The following PPP2R2A variants were observed in gnomAD, a reference collection of about 807,000 sequenced individuals.
The protein encoded by PPP2R2A is protein phosphatase 2 regulatory subunit Balpha.
PPP2R2A carries 9 observed loss-of-function variants against 53.2 expected under a neutral mutation model. The ratio of observed to expected loss-of-function variants is 0.17; its 90% CI spans 0.10 to 0.30. The LOEUF is 0.30. Ranked by LOEUF, PPP2R2A falls within the 10% of genes least tolerant of loss-of-function variation. The probability of loss-of-function intolerance (pLI) is 1.00; values close to 1 mark genes in which losing one functional copy is unlikely to be tolerated. For missense variants in PPP2R2A, 235 were observed against 534.6 expected, an observed-to-expected ratio of 0.44 and a Z score of 5.53; for synonymous variants, 169 against 174.2, an observed-to-expected ratio of 0.97 and a Z score of 0.23.
At chr8:26,302,953 C>T (rs1228925124) in intron 2 of PPP2R2A, among the ~76,000 whole-genome samples, 2 of 152,104 alleles carry the variant, frequency 1.3e-5, no homozygotes, top group Admixed American at 6.6e-5. Context: ...TTAAGGGGAT[C>T]CTGTCATTCA....
chr8:26,333,628 T>A (rs1001841258), intron 2 of PPP2R2A: 1 of 799,976 alleles, frequency 1.3e-6, no homozygotes, highest in Non-Finnish European at 1.6e-6. Flanking sequence ...TAGTAATTAT[T>A]TGTTACACCC....
intron 2 of PPP2R2A, among the ~76,000 whole-genome samples, chr8:26,315,442 A>G (rs1049828363): frequency 1.3e-5 from 2 of 152,198 alleles, no homozygotes; most frequent in African/African-American, 4.8e-5. Context: ...CTCATGGATT[A>G]CTATGCAGCC....
chr8:26,335,541 TTACTC>T (rs1331208534), intron 2 of PPP2R2A, among the ~76,000 whole-genome samples: 3 of 152,134 alleles, frequency 2.0e-5, no homozygotes, highest in Admixed American at 6.5e-5. Flanking sequence ...CGAAATAAAA[TTACTC>T]TACACTATTC....
At chr8:26,344,152 C>T (rs986667201) in intron 3 of PPP2R2A, among the ~76,000 whole-genome samples, 2 of 152,226 alleles carry the variant, frequency 1.3e-5, no homozygotes, top group Non-Finnish European at 2.9e-5. Flanking sequence ...GATGTAGTAG[C>T]AGCAGTTTAT....
intron 4 of PPP2R2A, among the ~76,000 whole-genome samples, chr8:26,356,056 A>G (rs776413445): frequency 1.3e-5 from 2 of 152,186 alleles, no homozygotes; most frequent in Admixed American, 6.5e-5. Flanking sequence ...GGGTAGCCGT[A>G]GTCTATAAAA....
In PPP2R2A at chr8:26,360,028, A is replaced by G. The variant is rs530306912; in HGVS notation, c.347-141A>G. 2.2e-4 allele frequency: 110 copies of G among 510,388 alleles called. 1 individual carries two copies. The highest frequency in any genetic ancestry group is 1.1e-3 in the South Asian group (42 of 38,500). 31.6% of individuals were successfully genotyped at this position (510,388 alleles called of 1,614,324 possible). ...GTATGTTATTCAGCTGATAATAGGAAATTTTTTAGTAAGTTCAGATTAGGG... is the reference window on the plus strand; with the variant it reads ...GTATGTTATTCAGCTGATAATAGGAGATTTTTTAGTAAGTTCAGATTAGGG... On this transcript the variant is annotated intron_variant, in intron 4 of 9. Transcript: ENST00000380737. This position sits in a 1 kb window ranked among gnomAD's most constrained non-coding sequence, Gnocchi z 4.5.
At chr8:26,357,096 C>G (rs2117390388) in intron 4 of PPP2R2A, among the ~76,000 whole-genome samples, 1 of 152,168 alleles carries the variant, frequency 6.6e-6, no homozygotes, top group East Asian at 1.9e-4. Context: ...TTATGAGAAT[C>G]ATATGAACTG....
chr8:26,293,976 A>G, intron 2 of PPP2R2A: 2 of 487,236 alleles, frequency 4.1e-6, no homozygotes, highest in Non-Finnish European at 7.4e-6. Flanking sequence ...GCGGTAGATG[A>G]TGAGACATAT....
intron 2 of PPP2R2A, among the ~76,000 whole-genome samples, chr8:26,329,358 A>G (rs1803253395): frequency 6.6e-6 from 1 of 151,334 alleles, no homozygotes; most frequent in African/African-American, 2.4e-5. Context: ...AGCTCCCATC[A>G]CTGTTCCTGT....
At chr8:26,363,921 T>G in intron 8 of PPP2R2A, 31 bp downstream of exon 8, 6 of 1,520,164 alleles carry the variant, frequency 3.9e-6, no homozygotes, top group Non-Finnish European at 5.3e-6. Flanking sequence ...AATGAGCATA[T>G]ACCCTGTTTA....
chr8:26,320,279 G>C (rs1299686174), intron 2 of PPP2R2A, among the ~76,000 whole-genome samples: 2 of 152,172 alleles, frequency 1.3e-5, no homozygotes, highest in Admixed American at 1.3e-4. Flanking sequence ...TGGTTATTTG[G>C]CAAACTCTAC....
Position 26,354,851 on chromosome 8 carries a change from G to A in PPP2R2A, c.346+218G>A, listed in dbSNP as rs1230428790. On this transcript the variant is annotated intron_variant, in intron 4 of 9. Transcript: ENST00000380737. This position sits in a 1 kb window ranked among gnomAD's most constrained non-coding sequence, Gnocchi z 4.6. Reference sequence around the variant, plus strand: ...TTTTTGTTTACTACACCTCCAATTTGTAGTGAAAAGAATGGGCTGCTATAC... The same window carrying A: ...TTTTTGTTTACTACACCTCCAATTTATAGTGAAAAGAATGGGCTGCTATAC... 6.6e-6 allele frequency among the ~76,000 whole-genome samples: 1 copy of A among 152,176 alleles called. No individual in the cohort carries two copies. Among genetic ancestry groups the A allele is most frequent in the Non-Finnish European group, 1.5e-5 (1 of 68,032 alleles).
chr8:26,298,008 T>C (rs1801616710), intron 2 of PPP2R2A, among the ~76,000 whole-genome samples: 1 of 152,122 alleles, frequency 6.6e-6, no homozygotes, highest in African/African-American at 2.4e-5. Context: ...AGAAAAGCTA[T>C]GAAGTAAAAG....
chr8:26,335,239 TTA>T (rs1488543971), intron 2 of PPP2R2A, among the ~76,000 whole-genome samples: 1 of 152,186 alleles, frequency 6.6e-6, no homozygotes. Flanking sequence ...TTCATCATTT[TTA>T]TATGTCATAT....
intron 2 of PPP2R2A, among the ~76,000 whole-genome samples, chr8:26,325,272 T>C (rs1204172014): frequency 6.6e-6 from 1 of 152,012 alleles, no homozygotes; most frequent in East Asian, 1.9e-4. Context: ...TGGTCTTTGC[T>C]GTGCTATTCT....
chr8:26,319,121 TTG>T (rs1281520150), intron 2 of PPP2R2A, among the ~76,000 whole-genome samples: 1 of 152,212 alleles, frequency 6.6e-6, no homozygotes, highest in Admixed American at 6.5e-5. Context: ...TATTTGTCTT[TTG>T]TGACTGTTAT....
chr8:26,314,888 T>TCCCCC (rs3070128), intron 2 of PPP2R2A, among the ~76,000 whole-genome samples: 1 of 65,794 alleles, frequency 1.5e-5, no homozygotes, highest in African/African-American at 6.6e-5. Flanking sequence ...TTTTTTCCCT[T>TCCCCC]CCCCCCCCCC....
At chr8:26,344,095 GCC>G (rs1804090001) in intron 3 of PPP2R2A, among the ~76,000 whole-genome samples, 1 of 152,138 alleles carries the variant, frequency 6.6e-6, no homozygotes, top group Non-Finnish European at 1.5e-5. Context: ...CACTGCAGAA[GCC>G]ACACATCCTG....
At chr8:26,329,456 T>G (rs1051819392) in intron 2 of PPP2R2A, among the ~76,000 whole-genome samples, 15 of 152,186 alleles carry the variant, frequency 9.9e-5, no homozygotes, top group African/African-American at 3.4e-4. Context: ...GCATAAAAAT[T>G]TATGACTGTT....
Sources: allele counts gnomAD v4.1 joint callset (sites outside exome capture counted in the v4.1 genomes callset), GRCh38; gene constraint gnomAD v4.1.1; non-coding constraint Gnocchi (gnomAD v3.1); transcripts MANE v1.5; gene names NCBI Gene and HGNC (gene_info 2026-07-23, HGNC 2026-07-21).